ULK4: variants seen among roughly 807,000 people sequenced by gnomAD.
ULK4 encodes inactive serine/threonine-protein kinase ULK4.
Under a neutral mutation model 160.6 loss-of-function variants are expected in ULK4, and 133 were observed. The ratio of observed to expected loss-of-function variants is 0.83; its 90% CI spans 0.72 to 0.96. The LOEUF (loss-of-function observed/expected upper bound fraction) is 0.96. Among genes scored for constraint, ULK4 ranks in the 40% least tolerant of loss-of-function variants. The probability of loss-of-function intolerance (pLI) is 0.00; values close to 1 mark genes in which losing one functional copy is unlikely to be tolerated. For synonymous variants in ULK4, 534 were observed against 539.8 expected (o/e 0.99, Z 0.15); for missense variants, 1,580 against 1,499.5 (o/e 1.05, Z -0.89).
chr3:41,383,087 T>C (rs997160972), intron 35 of ULK4, among the ~76,000 whole-genome samples: 2 of 147,430 alleles, frequency 1.4e-5, no homozygotes, highest in African/African-American at 4.9e-5. Flanking sequence ...ATTTTTCTTT[T>C]TCTTTTTTTT....
intron 21 of ULK4, among the ~76,000 whole-genome samples, chr3:41,759,319 ATATTTC>A (rs2038910701): frequency 6.6e-6 from 1 of 152,232 alleles, no homozygotes; most frequent in African/African-American, 2.4e-5. Flanking sequence ...AAAATCTGGT[ATATTTC>A]AACATACCAA....
chr3:41,748,205 T>G (rs183438102), intron 22 of ULK4, among the ~76,000 whole-genome samples: 145 of 148,550 alleles, frequency 9.8e-4, no homozygotes, highest in South Asian at 2.8e-3. Flanking sequence ...ATACCATATA[T>G]AGAGAGAGAG....
At chr3:41,420,342 T>C (rs1416156702) in intron 34 of ULK4, among the ~76,000 whole-genome samples, 3 of 151,924 alleles carry the variant, frequency 2.0e-5, no homozygotes, top group African/African-American at 7.2e-5. Flanking sequence ...ATATTTTATG[T>C]TTTCAAATTT....
intron 31 of ULK4, among the ~76,000 whole-genome samples, chr3:41,598,075 G>C (rs974335035): frequency 1.3e-5 from 2 of 152,138 alleles, no homozygotes; most frequent in Non-Finnish European, 2.9e-5. Context: ...AGGCCCCTTG[G>C]GGGTGAGTGG....
rs955426955 is a variant in ULK4 at position 41,857,615 on chromosome 3, G to T, written c.1657-21644C>A. 2.0e-5 allele frequency among the ~76,000 whole-genome samples: 3 copies of T among 152,244 alleles called. No individual in the cohort carries two copies. In the East Asian group the frequency reaches 5.8e-4, roughly 29 times the overall value. On this transcript the variant is annotated intron_variant, in intron 17 of 36. Transcript: ENST00000301831. The stretch of plus-strand genomic sequence containing the variant: ...GGTTCCTGGCTTTTCTTTACTGGGA[G>T]ACTTTTATTATGACTTTGATCTCAT...
At chr3:41,279,077 G>C (rs1201930644) in intron 35 of ULK4, among the ~76,000 whole-genome samples, 1 of 152,020 alleles carries the variant, frequency 6.6e-6, no homozygotes, top group Non-Finnish European at 1.5e-5. Context: ...TGGCTAACTA[G>C]AATAAACAGT....
chr3:41,461,952 A>G (rs1495705), intron 33 of ULK4, among the ~76,000 whole-genome samples: 80,438 of 152,056 alleles, frequency 0.53, 21,374 homozygotes, highest in East Asian at 0.67. Flanking sequence ...CATAATTAGC[A>G]ATTATTTAAG....
chr3:41,511,897 C>T (rs1040805191), intron 32 of ULK4, among the ~76,000 whole-genome samples: 1 of 151,824 alleles, frequency 6.6e-6, no homozygotes, highest in Non-Finnish European at 1.5e-5. Flanking sequence ...AACAAAATAA[C>T]CAATCCAACA....
intron 32 of ULK4, among the ~76,000 whole-genome samples, chr3:41,482,422 C>G (rs1465978076): frequency 6.6e-6 from 1 of 152,184 alleles, no homozygotes; most frequent in Admixed American, 6.5e-5. Flanking sequence ...TATAAAAAAG[C>G]AAGCTATGGC....
chr3:41,881,201 T>C (rs1173940135), intron 17 of ULK4, among the ~76,000 whole-genome samples: 1 of 149,806 alleles, frequency 6.7e-6, no homozygotes, highest in East Asian at 2.0e-4. Flanking sequence ...GGAGAGACTA[T>C]AATGGTTTTC....
chr3:41,515,640 G>A lies in ULK4; in HGVS notation c.3226+50385C>T, dbSNP rs141968287. Among the ~76,000 whole-genome samples the A allele has an allele frequency of 2.6e-3, 400 of 152,286 alleles. 1 individual carries two copies. The highest frequency in any genetic ancestry group is 7.3e-3 in the Admixed American group (111 of 15,300). ...CTTCACATGGTGGCAGGAGAGAGAC[G>A]GAGTGCCAGTAGGGGAAACGCCAGA... On this transcript the variant is annotated intron_variant, in intron 32 of 36. Transcript: ENST00000301831.
intron 30 of ULK4, among the ~76,000 whole-genome samples, chr3:41,631,427 G>A (rs1319160156): frequency 6.6e-6 from 1 of 152,094 alleles, no homozygotes; most frequent in African/African-American, 2.4e-5. Flanking sequence ...TTAATTTACT[G>A]AGAAAGTCTT....
intron 35 of ULK4, among the ~76,000 whole-genome samples, chr3:41,378,339 C>G (rs1477333034): frequency 2.0e-5 from 3 of 150,778 alleles, no homozygotes; most frequent in Non-Finnish European, 4.4e-5. Context: ...CTAACCTGCA[C>G]AATGTGCACA....
rs2082761425 is a variant in ULK4 at position 41,425,643 on chromosome 3, T to C, written c.3493-27379A>G. Reference sequence around the variant, plus strand: ...ATATTCAACATAATTCCCAAAGAAATGAATTTCCAACCCAGAATTTCATAT... The same window carrying C: ...ATATTCAACATAATTCCCAAAGAAACGAATTTCCAACCCAGAATTTCATAT... On this transcript the variant is annotated intron_variant, in intron 34 of 36. Coordinates refer to ENST00000301831, the MANE Select transcript of ULK4 (RefSeq NM_017886.4). Among the ~76,000 whole-genome samples the C allele has an allele frequency of 7.2e-5, 11 of 152,220 alleles. 3 individuals carry two copies. In the South Asian group the frequency reaches 2.3e-3, roughly 32 times the overall value.
At position 41,671,648 on chromosome 3, in the gene ULK4, G is replaced by A. The variant is rs1024974146; in HGVS notation, c.2979-7949C>T. Among the ~76,000 whole-genome samples, 7 of 152,142 alleles carry A rather than the reference G, an allele frequency of 4.6e-5. No individual in the cohort carries two copies. The South Asian group carries it at 1.5e-3, about 32-fold the overall frequency. On this transcript the variant is annotated intron_variant, in intron 29 of 36. Coordinates refer to ENST00000301831, the MANE Select transcript of ULK4 (RefSeq NM_017886.4). ...AGAAAACATAGGGAAAACTCTTCAG[G>A]ACACTGGTCTAGGGAGAGATTTTAT... is the stretch of plus-strand genomic sequence containing the variant.
intron 32 of ULK4, among the ~76,000 whole-genome samples, chr3:41,500,202 TCTTCCTTCTA>T (rs2085145962): frequency 6.6e-6 from 1 of 151,384 alleles, no homozygotes; most frequent in Non-Finnish European, 1.5e-5. Flanking sequence ...TTTATTATTT[TCTTCCTTCTA>T]CTTCCTTCAG....
intron 34 of ULK4, among the ~76,000 whole-genome samples, chr3:41,407,010 G>A (rs933784561): frequency 1.3e-5 from 2 of 152,148 alleles, no homozygotes; most frequent in African/African-American, 4.8e-5. Context: ...GATTCCTTAA[G>A]TTGAGGAGAC....
At chr3:41,784,585 G>A (rs1006859176) in intron 21 of ULK4, among the ~76,000 whole-genome samples, 1 of 152,144 alleles carries the variant, frequency 6.6e-6, no homozygotes, top group Non-Finnish European at 1.5e-5. Context: ...TTTGGATAAA[G>A]GAATCTTCTT....
At chr3:41,800,091 A>C in intron 20 of ULK4, 41 bp downstream of exon 20, 3 of 1,485,188 alleles carry the variant, frequency 2.0e-6, no homozygotes, top group East Asian at 2.4e-5. Flanking sequence ...TTGCTGTTTA[A>C]AGATACCCAG....
Sources: gnomAD v4.1 joint callset for allele counts (sites outside exome capture counted in the v4.1 genomes callset) on GRCh38, gnomAD v4.1.1 for gene constraint, MANE v1.5 for transcripts, NCBI Gene and HGNC (gene_info 2026-07-23, HGNC 2026-07-21) for gene names.